Variants in SDHAF3 observed in about 807,000 individuals in gnomAD.
SDHAF3 encodes succinate dehydrogenase assembly factor 3, mitochondrial.
SDHAF3 carries 18 observed loss-of-function variants against 11.5 expected under a neutral mutation model. The observed-to-expected ratio is 1.56, with a 90% CI of 1.08 to 2.32. The LOEUF (loss-of-function observed/expected upper bound fraction) is 2.32, where lower values mean the gene tolerates loss of function less well. Among genes scored for constraint, SDHAF3 ranks in the 30% most tolerant of loss-of-function variants. SDHAF3 has a pLI of 0.00. For synonymous variants in SDHAF3, 72 were observed against 59.3 expected, an observed-to-expected ratio of 1.21 and a Z score of -0.99; for missense variants, 200 against 154.4, an observed-to-expected ratio of 1.30 and a Z score of -1.57.
intron 1 of SDHAF3, among the ~76,000 whole-genome samples, chr7:97,142,314 A>G (rs71561616): frequency 0.011 from 1,684 of 152,096 alleles, 10 homozygotes; most frequent in Middle Eastern, 0.045. Context: ...CGGCCTCCCA[A>G]AGTGCTAGGA....
chr7:97,141,209 A>T (rs141098738), intron 1 of SDHAF3, among the ~76,000 whole-genome samples: 1 of 152,090 alleles, frequency 6.6e-6, no homozygotes, highest in South Asian at 2.1e-4. Flanking sequence ...GATGTTATCA[A>T]TGACAATGCG....
Position 97,170,261 on chromosome 7 carries a change from G to GTGCC in SDHAF3, c.175-10749_175-10746dup, listed in dbSNP as rs576967751. On this transcript the variant is annotated intron_variant, in intron 1 of 1. Transcript: ENST00000432641. ...ATCTATTACTCCAGAAAGTTTCCTT[G>GTGCC]TGCCTCACTGTATTCTAATATTACT... Among the ~76,000 whole-genome samples, 1,123 of 152,136 alleles carry GTGCC rather than the reference G, an allele frequency of 7.4e-3. 20 individuals are homozygous for GTGCC. The highest frequency in any genetic ancestry group is 0.026 in the African/African-American group (1,068 of 41,488).
chr7:97,140,108 T>C (rs1278858408), intron 1 of SDHAF3, among the ~76,000 whole-genome samples: 3 of 152,192 alleles, frequency 2.0e-5, no homozygotes, highest in Non-Finnish European at 2.9e-5. Context: ...ATGAATTCTA[T>C]GTTCTAGTCA....
intron 1 of SDHAF3, among the ~76,000 whole-genome samples, chr7:97,141,815 T>G (rs992442873): frequency 3.3e-5 from 5 of 152,102 alleles, no homozygotes; most frequent in Admixed American, 1.3e-4. Flanking sequence ...TTATAGTTAC[T>G]TATGTACACC....
In SDHAF3 at chr7:97,140,138, C is replaced by G. The variant is rs149176439; in HGVS notation, c.174+22241C>G. 5.8e-3 allele frequency among the ~76,000 whole-genome samples: 877 copies of G among 152,210 alleles called. 7 individuals are homozygous for G. Among genetic ancestry groups the G allele is most frequent in the African/African-American group, 0.02 (835 of 41,506 alleles). On this transcript the variant is annotated intron_variant, in intron 1 of 1. Transcript: ENST00000432641. ...TAGTCACTTAACTGAGCATTGCTCT[C>G]TGAAAGTGGCCTCAAGTTGTTTTGA... is the stretch of plus-strand genomic sequence containing the variant.
At chr7:97,136,472 G>T (rs1228984358) in intron 1 of SDHAF3, 17 of 640,224 alleles carry the variant, frequency 2.7e-5, no homozygotes, top group Non-Finnish European at 4.0e-5. Context: ...CTTTCAGTAA[G>T]TAAGACCTGC....
chr7:97,144,350 T>C (rs1263401923), intron 1 of SDHAF3, among the ~76,000 whole-genome samples: 2 of 152,224 alleles, frequency 1.3e-5, no homozygotes, highest in African/African-American at 4.8e-5. Flanking sequence ...ATCTTTGTTT[T>C]TATTGCATTT....
intron 1 of SDHAF3, among the ~76,000 whole-genome samples, chr7:97,148,321 A>C (rs1400888695): frequency 2.0e-5 from 3 of 152,170 alleles, no homozygotes; most frequent in African/African-American, 7.2e-5. Context: ...GGCCACTTGA[A>C]GCCAGGAGAT....
chr7:97,124,464 C>T (rs1791545393), intron 1 of SDHAF3, among the ~76,000 whole-genome samples: 1 of 152,110 alleles, frequency 6.6e-6, no homozygotes, highest in Non-Finnish European at 1.5e-5. Flanking sequence ...TTAGGATTGT[C>T]TTGGCTATGC....
rs889129335 is a variant in SDHAF3, at chr7:97,181,413, G to A, written c.*198G>A. 41 of 457,750 alleles carry A rather than the reference G, an allele frequency of 9.0e-5. No homozygotes were observed. The highest frequency in any genetic ancestry group is 2.7e-5 in the Non-Finnish European group (7 of 262,042). The allele number at this position is 457,750 out of a possible 1,614,324, so 28.4% of individuals were successfully genotyped here. A position where few individuals can be genotyped will look rare whatever the true frequency, so the allele number is the denominator to read the frequency against. On this transcript the variant is annotated 3_prime_UTR_variant, in exon 2 of 2. Transcript: ENST00000432641. Reference sequence around the variant, plus strand: ...AAAAACTATTGGAATAATAGCACTTGTATGAAATTCAGTTTTGGAACTAAA... The same window carrying A: ...AAAAACTATTGGAATAATAGCACTTATATGAAATTCAGTTTTGGAACTAAA...
intron 1 of SDHAF3, among the ~76,000 whole-genome samples, chr7:97,140,656 A>T (rs540066002): frequency 6.6e-6 from 1 of 152,298 alleles, no homozygotes; most frequent in South Asian, 2.1e-4. Flanking sequence ...TGAAGATTTC[A>T]TGGACACTTA....
chr7:97,150,016 C>A (rs939867716), intron 1 of SDHAF3, among the ~76,000 whole-genome samples: 2 of 152,190 alleles, frequency 1.3e-5, no homozygotes, highest in Non-Finnish European at 1.5e-5. Context: ...GGAGTAGATT[C>A]CATTTGAAGA....
Position 97,177,995 on chromosome 7 carries a change from T to C in SDHAF3, c.175-3017T>C, listed in dbSNP as rs146023485. 2.3e-4 allele frequency among the ~76,000 whole-genome samples: 35 copies of C among 152,326 alleles called. No homozygotes were observed. In the South Asian group the frequency reaches 3.1e-3, roughly 14 times the overall value. ...TTCCTGGACACTGTAAATGATACAT[T>C]GTAGAGACATTATTCTAGATTTTTC... is the stretch of plus-strand genomic sequence containing the variant. On this transcript the variant is annotated intron_variant, in intron 1 of 1. Transcript: ENST00000432641.
chr7:97,137,686 G>A (rs769051666), intron 1 of SDHAF3, among the ~76,000 whole-genome samples: 14 of 152,180 alleles, frequency 9.2e-5, no homozygotes, highest in Non-Finnish European at 1.9e-4. Flanking sequence ...GAGACCCATT[G>A]TGTCTTAAAG....
intron 1 of SDHAF3, among the ~76,000 whole-genome samples, chr7:97,131,403 A>G (rs1387736341): frequency 1.3e-5 from 2 of 152,184 alleles, no homozygotes; most frequent in African/African-American, 2.4e-5. Flanking sequence ...ATTGCCTGAT[A>G]TTTCTATTTG....
Position 97,117,794 on chromosome 7 carries a change from C to G in SDHAF3, c.71C>G (p.Pro24Arg). 6.2e-7 allele frequency: 1 copy of G among 1,614,182 alleles called. No individual in the cohort carries two copies. The highest frequency in any genetic ancestry group is 1.1e-5 in the South Asian group (1 of 91,088). Reference protein sequence around the residue: ...KRVLQLHRVLPPDLKSLGDQY... With the variant: ...KRVLQLHRVLRPDLKSLGDQY... Reference sequence around the variant, plus strand: ...GTCTTGCAGCTGCACCGTGTTCTGCCCCCGGACCTCAAATCCCTGGGCGAC... The same window carrying G: ...GTCTTGCAGCTGCACCGTGTTCTGCGCCCGGACCTCAAATCCCTGGGCGAC... The change falls in exon 1 of 2, where the codon CCC becomes CGC. Residue 24 changes from proline (P) to arginine (R), a missense_variant. Transcript: ENST00000432641.
Position 97,126,776 on chromosome 7 carries a change from G to A in SDHAF3, c.174+8879G>A, listed in dbSNP as rs866351866. ...CTGAGCGAGACCACTTGGTTCCCTG[G>A]CTTCAGCTCCCTTTCCAGGCAAGTG... is the stretch of plus-strand genomic sequence containing the variant. On this transcript the variant is annotated intron_variant, in intron 1 of 1. Transcript: ENST00000432641. Among the ~76,000 whole-genome samples, 5 of 150,286 alleles carry A rather than the reference G, an allele frequency of 3.3e-5. No homozygotes were observed. The South Asian group carries it at 8.4e-4, about 25-fold the overall frequency.
At chr7:97,122,284 T>G (rs1206806820) in intron 1 of SDHAF3, among the ~76,000 whole-genome samples, 1 of 152,164 alleles carries the variant, frequency 6.6e-6, no homozygotes, top group Non-Finnish European at 1.5e-5. Flanking sequence ...GGGTTTTAAG[T>G]TTTTATTTTG....
Position 97,147,786 on chromosome 7 carries a change from G to A in SDHAF3, c.174+29889G>A, listed in dbSNP as rs1789158265. Reference sequence around the variant, plus strand: ...ATTGTGTACGCACCACCAATTGCATGTACATTCCTCTCAAAGACTCTAATA... The same window carrying A: ...ATTGTGTACGCACCACCAATTGCATATACATTCCTCTCAAAGACTCTAATA... On this transcript the variant is annotated intron_variant, in intron 1 of 1. Transcript: ENST00000432641. Among the ~76,000 whole-genome samples, 4 of 152,188 alleles carry A rather than the reference G, an allele frequency of 2.6e-5. 1 individual carries two copies. In the South Asian group the frequency reaches 8.3e-4, roughly 31 times the overall value.
Sources: gnomAD v4.1 joint callset for allele counts (sites outside exome capture counted in the v4.1 genomes callset) on GRCh38, gnomAD v4.1.1 for gene constraint, MANE v1.5 for transcripts, NCBI Gene and HGNC (gene_info 2026-07-23, HGNC 2026-07-21) for gene names.